Variants in RSPH14 observed in about 807,000 individuals in gnomAD.
The protein encoded by RSPH14 is rhabdoid tumor deletion region gene 1.
In RSPH14, 20 loss-of-function variants were observed where a neutral mutation model predicts 26.7. That is an observed-to-expected ratio of 0.75 (90% CI 0.53 to 1.09). RSPH14 has a LOEUF of 1.09. Ranked by LOEUF, RSPH14 falls within the 50% of genes least tolerant of loss-of-function variation. RSPH14 has a pLI of 0.00. For synonymous variants in RSPH14, 177 were observed against 189.3 expected, an observed-to-expected ratio of 0.93 and a Z score of 0.53; for missense variants, 449 against 457.2, an observed-to-expected ratio of 0.98 and a Z score of 0.16.
At chr22:23,161,386 C>T in the RSPH14 span, 2 of 981,878 alleles carry the variant, frequency 2.0e-6, no homozygotes, top group Admixed American at 2.0e-5. Flanking sequence ...AGGCCTTGAA[C>T]AGCAGGCCCA....
chr22:23,101,635 G>A (rs2069305506), intron 4 of RSPH14, among the ~76,000 whole-genome samples: 2 of 152,234 alleles, frequency 1.3e-5, no homozygotes, highest in South Asian at 4.1e-4. Context: ...GACACACACA[G>A]GTCTCCCAAG....
At chr22:23,145,645 C>T, upstream of RSPH14, 1 of 1,346,134 alleles carries the variant, frequency 7.4e-7, no homozygotes, top group Admixed American at 2.3e-5. Flanking sequence ...ACAGCGTCCG[C>T]GCCCACTTCC....
intron 4 of RSPH14, among the ~76,000 whole-genome samples, chr22:23,086,403 G>A (rs1199217390): frequency 6.6e-6 from 1 of 152,322 alleles, no homozygotes; most frequent in South Asian, 2.1e-4. Flanking sequence ...CAAAGCACTC[G>A]GCCCAGCAGT....
the RSPH14 span, among the ~76,000 whole-genome samples, chr22:23,153,757 C>T: frequency 3.2e-4 from 43 of 133,366 alleles, 1 homozygote; most frequent in Middle Eastern, 0.014. Flanking sequence ...AGTGCAGTGG[C>T]GCAATCTCAG....
At chr22:23,176,058 C>T in the RSPH14 span, among the ~76,000 whole-genome samples, 4 of 152,222 alleles carry the variant, frequency 2.6e-5, no homozygotes, top group East Asian at 1.9e-4. Context: ...CAAACAACAT[C>T]GATTCACTGG....
At chr22:23,139,384 G>A (rs1462221769) in intron 2 of RSPH14, among the ~76,000 whole-genome samples, 1 of 152,258 alleles carries the variant, frequency 6.6e-6, no homozygotes, top group Non-Finnish European at 1.5e-5. Context: ...ACTTTGGGAG[G>A]CCAAGGCAAG....
intron 4 of RSPH14, chr22:23,096,344 G>A (rs1303018992): frequency 1.2e-6 from 2 of 1,613,668 alleles, no homozygotes; most frequent in South Asian, 1.1e-5. Flanking sequence ...CCACTGCTTC[G>A]AGGGCGTCAC....
chr22:23,078,127 C>T (rs1026571186), intron 4 of RSPH14, among the ~76,000 whole-genome samples: 6 of 152,200 alleles, frequency 3.9e-5, no homozygotes, highest in East Asian at 1.9e-4. Flanking sequence ...GGCCTGTCTC[C>T]GAGCTGGGCT....
chr22:23,133,781 G>C lies in RSPH14; in HGVS notation c.421+245C>G, dbSNP rs138706585. ...ATTTTTGTATTTTTAGTAGAGACAG[G>C]GTTTCACCATATTGGCCAGGCTGGT... On this transcript the variant is annotated intron_variant, in intron 4 of 6. Transcript: ENST00000216036. The C allele has an allele frequency of 8.7e-4, 331 of 381,392 alleles. 3 individuals are homozygous for C. The East Asian group carries it at 0.02, about 23-fold the overall frequency. 23.6% of individuals were successfully genotyped at this position (381,392 alleles called of 1,614,324 possible).
intron 4 of RSPH14, among the ~76,000 whole-genome samples, chr22:23,115,754 C>G (rs572082517): frequency 1.3e-5 from 2 of 152,236 alleles, no homozygotes; most frequent in African/African-American, 2.4e-5. Context: ...GCCATTTTGA[C>G]TGGGTCTTTT....
chr22:23,168,181 C>A, the RSPH14 span, among the ~76,000 whole-genome samples: 3 of 152,196 alleles, frequency 2.0e-5, no homozygotes, highest in Admixed American at 1.3e-4. Context: ...GCCAGCCCGA[C>A]CCCATTTTCA....
chr22:23,153,958 G>A, the RSPH14 span, among the ~76,000 whole-genome samples: 1 of 152,040 alleles, frequency 6.6e-6, no homozygotes, highest in Non-Finnish European at 1.5e-5. Context: ...CAAAGTGCTG[G>A]GATTACAGGT....
intron 4 of RSPH14, among the ~76,000 whole-genome samples, chr22:23,077,012 G>C (rs746900693): frequency 3.3e-5 from 5 of 152,164 alleles, no homozygotes; most frequent in Non-Finnish European, 7.4e-5. Context: ...CTCAACTCTG[G>C]AGTGACCGTC....
At chr22:23,124,288 T>C (rs538840077) in intron 4 of RSPH14, 2 of 260,778 alleles carry the variant, frequency 7.7e-6, no homozygotes, top group Non-Finnish European at 1.8e-5. Context: ...TGCAGTTGAG[T>C]ATTCTTTTTT....
chr22:23,164,689 G>A, the RSPH14 span, among the ~76,000 whole-genome samples: 3 of 152,158 alleles, frequency 2.0e-5, no homozygotes, highest in African/African-American at 4.8e-5. Flanking sequence ...CAGTGACCGC[G>A]TCCAAGTGCT....
At chr22:23,130,091 GAAAGA>G (rs1335082770) in intron 4 of RSPH14, among the ~76,000 whole-genome samples, 10 of 28,042 alleles carry the variant, frequency 3.6e-4, no homozygotes, top group East Asian at 1.2e-3. Flanking sequence ...AAGGAAGAAA[GAAAGA>G]AAGAAAGAAA....
chr22:23,168,959 C>T, the RSPH14 span, among the ~76,000 whole-genome samples: 4 of 152,216 alleles, frequency 2.6e-5, no homozygotes, highest in Non-Finnish European at 5.9e-5. Flanking sequence ...CACAGCCTGG[C>T]ACAACTCACT....
At chr22:23,070,096 G>A (rs1452140809) in intron 4 of RSPH14, among the ~76,000 whole-genome samples, 5 of 152,140 alleles carry the variant, frequency 3.3e-5, no homozygotes, top group African/African-American at 1.2e-4. Context: ...GGCGCGGGGA[G>A]CTCTTGCGGG....
chr22:23,140,532 T>C lies in RSPH14; in HGVS notation c.-52-60A>G, dbSNP rs548335039. The C allele has an allele frequency of 6.8e-6, 10 of 1,472,392 alleles. No individual in the cohort carries two copies. The South Asian group carries it at 1.4e-4, about 20-fold the overall frequency. 91.2% of individuals were successfully genotyped at this position (1,472,392 alleles called of 1,614,324 possible). A position where few individuals can be genotyped will look rare whatever the true frequency, so the allele number is the denominator to read the frequency against. ...TATGATTTAAAAGCTACTTCTCATC[T>C]GATCCTCCAAACTGTGAGGGCAGGC... On this transcript the variant is annotated intron_variant, in intron 1 of 6. Coordinates refer to ENST00000216036, the MANE Select transcript of RSPH14 (RefSeq NM_014433.3).
Sources: gnomAD v4.1 joint callset for allele counts (sites outside exome capture counted in the v4.1 genomes callset) on GRCh38, gnomAD v4.1.1 for gene constraint, MANE v1.5 for transcripts, NCBI Gene and HGNC (gene_info 2026-07-23, HGNC 2026-07-21) for gene names.